The following PXDNL variants were observed in gnomAD, a reference collection of about 807,000 sequenced individuals.
The protein encoded by PXDNL is peroxidasin like.
In PXDNL, 145 loss-of-function variants were observed where a neutral mutation model predicts 150.8. That is an observed-to-expected ratio of 0.96 (90% CI 0.84 to 1.10). PXDNL has a LOEUF of 1.10. Ranked by LOEUF, PXDNL falls within the 50% of genes least tolerant of loss-of-function variation. The pLI is 0.00. For synonymous variants in PXDNL, 757 were observed against 725.7 expected, an observed-to-expected ratio of 1.04 and a Z score of -0.69; for missense variants, 2,087 against 1,873.9, an observed-to-expected ratio of 1.11 and a Z score of -2.10.
chr8:51,322,740 G>T (rs1486263959), intron 21 of PXDNL, among the ~76,000 whole-genome samples: 1 of 152,210 alleles, frequency 6.6e-6, no homozygotes, highest in Non-Finnish European at 1.5e-5. Flanking sequence ...AAAGCAAAAA[G>T]TCTTGATGTG....
intron 12 of PXDNL, among the ~76,000 whole-genome samples, chr8:51,438,818 T>G (rs1809471814): frequency 6.6e-6 from 1 of 152,102 alleles, no homozygotes; most frequent in Admixed American, 6.5e-5. Context: ...AAACGTAAAG[T>G]GGGGAAAGGA....
intron 4 of PXDNL, among the ~76,000 whole-genome samples, chr8:51,522,531 T>C (rs1811682989): frequency 6.6e-6 from 1 of 152,190 alleles, no homozygotes. Context: ...TCCATTTTCT[T>C]CTATTGTAAT....
At chr8:51,744,028 GGGAAGGAAGGAA>G (rs1256286465) in intron 1 of PXDNL, among the ~76,000 whole-genome samples, 240 of 63,194 alleles carry the variant, frequency 3.8e-3, no homozygotes, top group African/African-American at 5.9e-3. Context: ...AAGAAGAAGA[GGGAAGGAAGGAA>G]GGAAGGAAGG....
intron 1 of PXDNL, among the ~76,000 whole-genome samples, chr8:51,788,166 C>T (rs915856893): frequency 2.6e-5 from 4 of 152,124 alleles, no homozygotes; most frequent in Admixed American, 1.3e-4. Flanking sequence ...CACTTTTATG[C>T]GATATTAGCT....
At chr8:51,781,118 A>T (rs1434147862) in intron 1 of PXDNL, among the ~76,000 whole-genome samples, 1 of 152,210 alleles carries the variant, frequency 6.6e-6, no homozygotes, top group Non-Finnish European at 1.5e-5. Context: ...TGGGTGTCAC[A>T]AAAACTTAGG....
chr8:51,324,046 A>G (rs550749615), intron 21 of PXDNL, among the ~76,000 whole-genome samples: 1 of 152,288 alleles, frequency 6.6e-6, no homozygotes, highest in South Asian at 2.1e-4. Flanking sequence ...TAATAAAAGG[A>G]TGTAACTTTC....
At chr8:51,648,157 C>T (rs981246580) in intron 2 of PXDNL, among the ~76,000 whole-genome samples, 6 of 152,128 alleles carry the variant, frequency 3.9e-5, no homozygotes, top group Non-Finnish European at 5.9e-5. Flanking sequence ...TTACTACCAC[C>T]GCCAATCATA....
chr8:51,749,979 C>T (rs551684520), intron 1 of PXDNL, among the ~76,000 whole-genome samples: 14 of 152,122 alleles, frequency 9.2e-5, no homozygotes, highest in African/African-American at 1.4e-4. Context: ...AGATTACAGG[C>T]GTGAGCCACC....
At chr8:51,682,023 G>A (rs577598305) in intron 1 of PXDNL, among the ~76,000 whole-genome samples, 4 of 152,196 alleles carry the variant, frequency 2.6e-5, no homozygotes, top group East Asian at 1.9e-4. Flanking sequence ...AGAAAAGTAC[G>A]TAGAATCATA....
chr8:51,616,038 C>T lies in PXDNL; in HGVS notation c.237-23340G>A, dbSNP rs116465131. Among the ~76,000 whole-genome samples the T allele has an allele frequency of 2.6e-3, 403 of 152,218 alleles. 2 individuals are homozygous for T. Among genetic ancestry groups the T allele is most frequent in the African/African-American group, 9.4e-3 (391 of 41,536 alleles). On this transcript the variant is annotated intron_variant, in intron 2 of 22. Transcript: ENST00000356297. ...AGAGCAATGGCCCCACATGCTAAAC[C>T]ACAAAGATCCACTCCAACTGACATA...
chr8:51,773,237 G>C (rs2037317967), intron 1 of PXDNL, among the ~76,000 whole-genome samples: 1 of 152,188 alleles, frequency 6.6e-6, no homozygotes, highest in African/African-American at 2.4e-5. Context: ...GAGGTAAGTA[G>C]TTTTCTTACC....
chr8:51,784,606 G>A (rs16916806), intron 1 of PXDNL, among the ~76,000 whole-genome samples: 3,517 of 152,232 alleles, frequency 0.023, 142 homozygotes, highest in African/African-American at 0.079. Flanking sequence ...TTGGATCAAC[G>A]TCGCATGGAA....
At chr8:51,564,268 G>C (rs1032642924) in intron 3 of PXDNL, among the ~76,000 whole-genome samples, 2 of 152,004 alleles carry the variant, frequency 1.3e-5, no homozygotes, top group African/African-American at 4.8e-5. Flanking sequence ...AAGGACAAAA[G>C]AGTTAGCTGG....
At chr8:51,378,473 C>T (rs1287495684) in intron 17 of PXDNL, among the ~76,000 whole-genome samples, 1 of 152,206 alleles carries the variant, frequency 6.6e-6, no homozygotes, top group Non-Finnish European at 1.5e-5. Context: ...AATCAGCTCT[C>T]TGTAAAATGG....
intron 1 of PXDNL, among the ~76,000 whole-genome samples, chr8:51,742,247 G>C (rs2036914609): frequency 6.6e-6 from 1 of 152,160 alleles, no homozygotes; most frequent in African/African-American, 2.4e-5. Context: ...AATATGAGGA[G>C]GGATGACAGG....
At chr8:51,341,201 A>T (rs776398277) in intron 20 of PXDNL, among the ~76,000 whole-genome samples, 16 of 152,254 alleles carry the variant, frequency 1.1e-4, no homozygotes, top group Non-Finnish European at 2.2e-4. Flanking sequence ...GACACATAGC[A>T]TCTGCATTAG....
chr8:51,354,010 T>G (rs903535468), intron 19 of PXDNL, among the ~76,000 whole-genome samples: 3 of 152,134 alleles, frequency 2.0e-5, no homozygotes, highest in Non-Finnish European at 4.4e-5. Flanking sequence ...TTTCAGTAAT[T>G]CTCTTAATGC....
At chr8:51,447,186 A>G (rs750264868) in intron 11 of PXDNL, 24 bp from the exon 12 acceptor site, 2 of 1,610,942 alleles carry the variant, frequency 1.2e-6, no homozygotes, top group East Asian at 4.5e-5. Flanking sequence ...TAAAGAAAGT[A>G]TTCTTCATGG....
At chr8:51,550,520 G>C (rs1378517054) in intron 4 of PXDNL, among the ~76,000 whole-genome samples, 3 of 152,034 alleles carry the variant, frequency 2.0e-5, no homozygotes, top group Admixed American at 2.0e-4. Flanking sequence ...ATGTAGGGTT[G>C]GTTTAACATA....
Sources: allele counts gnomAD v4.1 joint callset (sites outside exome capture counted in the v4.1 genomes callset), GRCh38; gene constraint gnomAD v4.1.1; transcripts MANE v1.5; gene names NCBI Gene and HGNC (gene_info 2026-07-23, HGNC 2026-07-21).